Variants in GPHN observed in about 807,000 individuals in gnomAD.
GPHN encodes the protein gephyrin.
A neutral mutation model predicts 95.5 loss-of-function variants in GPHN; 17 were observed. The observed-to-expected ratio is 0.18, with a 90% CI of 0.12 to 0.27. The LOEUF (loss-of-function observed/expected upper bound fraction) is 0.27, where lower values mean the gene tolerates loss of function less well. GPHN is among the 10% of genes least tolerant of loss of function. GPHN has a pLI of 1.00. For missense variants in GPHN, 660 were observed against 978.1 expected (o/e 0.67, Z 4.34); for synonymous variants, 320 against 322.5 (o/e 0.99, Z 0.08).
chr14:66,780,727 T>C (rs935380418), intron 3 of GPHN, among the ~76,000 whole-genome samples: 1 of 152,146 alleles, frequency 6.6e-6, no homozygotes, highest in Non-Finnish European at 1.5e-5. Context: ...TTCAAAGTAC[T>C]CAAAGAAAAA....
the GPHN span, among the ~76,000 whole-genome samples, chr14:67,499,084 A>T: frequency 6.6e-6 from 1 of 151,506 alleles, no homozygotes; most frequent in East Asian, 1.9e-4. Flanking sequence ...GTCACCATAA[A>T]CTCAAACTCC....
chr14:67,432,843 G>A, the GPHN span, among the ~76,000 whole-genome samples: 2 of 152,036 alleles, frequency 1.3e-5, no homozygotes, highest in East Asian at 1.9e-4. Context: ...TTTGGTGGTC[G>A]CATGTGGTGT....
chr14:66,647,229 A>G (rs1359359438), intron 1 of GPHN, among the ~76,000 whole-genome samples: 2 of 151,456 alleles, frequency 1.3e-5, no homozygotes, highest in South Asian at 4.2e-4. Context: ...TTTTAAAAAT[A>G]AAATAAATTG....
chr14:67,399,236 G>A, the GPHN span, among the ~76,000 whole-genome samples: 1 of 151,938 alleles, frequency 6.6e-6, no homozygotes, highest in African/African-American at 2.4e-5. Flanking sequence ...GGTAGTTTAG[G>A]TGGCTGTCAG....
the GPHN span, chr14:67,321,092 G>A: frequency 2.5e-5 from 40 of 1,613,954 alleles, no homozygotes; most frequent in Admixed American, 4.2e-4. Flanking sequence ...AGAAGTAGCC[G>A]GTAGAGATTA....
intron 11 of GPHN, among the ~76,000 whole-genome samples, chr14:67,067,709 A>G (rs369471155): frequency 3.3e-5 from 5 of 152,166 alleles, no homozygotes; most frequent in African/African-American, 9.6e-5. Flanking sequence ...TTGATCTCAG[A>G]CTGCTGTGCT....
At chr14:67,012,902 A>G (rs1304843728) in intron 9 of GPHN, among the ~76,000 whole-genome samples, 1 of 151,962 alleles carries the variant, frequency 6.6e-6, no homozygotes, top group African/African-American at 2.4e-5. Flanking sequence ...CCTTATCACT[A>G]CTTATTTTTT....
chr14:66,831,283 T>C (rs2061567906), intron 4 of GPHN, among the ~76,000 whole-genome samples: 1 of 152,180 alleles, frequency 6.6e-6, no homozygotes, highest in Non-Finnish European at 1.5e-5. Context: ...ATACCTGTTA[T>C]ACATGGTAAG....
At chr14:66,773,993 G>GTTTT (rs1172451199) in intron 2 of GPHN, among the ~76,000 whole-genome samples, 12 of 89,974 alleles carry the variant, frequency 1.3e-4, no homozygotes, top group Admixed American at 2.9e-4. Context: ...TATCTAGAAA[G>GTTTT]TTTTTTTTTT....
chr14:67,681,228 C>T, the GPHN span, among the ~76,000 whole-genome samples: 2 of 152,212 alleles, frequency 1.3e-5, no homozygotes, highest in Admixed American at 6.5e-5. Context: ...ATTTGGAAGT[C>T]AGGAAGGCAG....
At chr14:67,559,525 G>A in the GPHN span, 56 of 891,584 alleles carry the variant, frequency 6.3e-5, 1 homozygote, top group Middle Eastern at 1.1e-3. Flanking sequence ...CGCACACTTG[G>A]CCTTTCTTGG....
chr14:66,740,446 G>A (rs559125060), intron 2 of GPHN, among the ~76,000 whole-genome samples: 1 of 151,716 alleles, frequency 6.6e-6, no homozygotes, highest in South Asian at 2.1e-4. Flanking sequence ...TTATTTAATA[G>A]TAGAGCTTAC....
chr14:67,186,071 C>T (rs1269674913), downstream of GPHN, among the ~76,000 whole-genome samples: 3 of 152,066 alleles, frequency 2.0e-5, no homozygotes, highest in Non-Finnish European at 4.4e-5. Context: ...TCAATCCTGT[C>T]CATTTCGTAT....
At chr14:67,098,929 T>C (rs183818675) in intron 12 of GPHN, among the ~76,000 whole-genome samples, 41 of 152,268 alleles carry the variant, frequency 2.7e-4, no homozygotes, top group Admixed American at 7.2e-4. Context: ...AATAAGTTTA[T>C]TCACGTTTGA....
chr14:67,364,710 T>A, the GPHN span: 1 of 1,504,262 alleles, frequency 6.6e-7, no homozygotes, highest in East Asian at 2.4e-5. Flanking sequence ...GAAATTGATT[T>A]TTTTTTTATT....
the GPHN span, among the ~76,000 whole-genome samples, chr14:67,476,878 C>A: frequency 6.7e-6 from 1 of 150,344 alleles, no homozygotes; most frequent in African/African-American, 2.5e-5. Context: ...GTAATCCCAG[C>A]ACTTTGGGAG....
chr14:67,340,354 A>C, the GPHN span: 7 of 1,121,958 alleles, frequency 6.2e-6, no homozygotes, highest in Non-Finnish European at 8.1e-6. Context: ...AATTCTAAAG[A>C]ACATAAACCA....
At chr14:67,407,627 G>A in the GPHN span, among the ~76,000 whole-genome samples, 1 of 151,892 alleles carries the variant, frequency 6.6e-6, no homozygotes, top group Non-Finnish European at 1.5e-5. Context: ...TTTTTGTAGA[G>A]ATGAGTTCTC....
At chr14:67,008,082 C>T (rs2072725553) in intron 9 of GPHN, among the ~76,000 whole-genome samples, 1 of 152,130 alleles carries the variant, frequency 6.6e-6, no homozygotes, top group Non-Finnish European at 1.5e-5. Flanking sequence ...ATGTCATTTG[C>T]TTTAAAAGCT....
Sources: allele counts gnomAD v4.1 joint callset (sites outside exome capture counted in the v4.1 genomes callset), GRCh38; gene constraint gnomAD v4.1.1; transcripts MANE v1.5; gene names NCBI Gene and HGNC (gene_info 2026-07-23, HGNC 2026-07-21).